Variants in GRM3 observed in about 807,000 individuals in gnomAD.
GRM3 encodes the protein glutamate metabotropic receptor 3.
In GRM3, 26 loss-of-function variants were observed where a neutral mutation model predicts 70.5. The ratio of observed to expected loss-of-function variants is 0.37; its 90% CI spans 0.27 to 0.51. GRM3 has a LOEUF of 0.51. Among genes scored for constraint, GRM3 ranks in the 20% least tolerant of loss-of-function variants. GRM3 has a pLI of 0.93. For synonymous variants in GRM3, 443 were observed against 434.9 expected (o/e 1.02, Z -0.23); for missense variants, 859 against 1,123.8 (o/e 0.76, Z 3.37).
At chr7:86,667,834 G>T (rs802450) in intron 1 of GRM3, among the ~76,000 whole-genome samples, 106,444 of 152,054 alleles carry the variant, frequency 0.7, 37,796 homozygotes, top group East Asian at 0.87. Flanking sequence ...CAACTAGCAT[G>T]TCTTTTGGGT....
intron 1 of GRM3, among the ~76,000 whole-genome samples, chr7:86,747,351 T>A (rs561111070): frequency 5.3e-5 from 8 of 152,142 alleles, no homozygotes; most frequent in Non-Finnish European, 1.2e-4. Context: ...TTCAAAGCCA[T>A]TATTTTCAGA....
At chr7:86,806,366 C>T (rs1226270066) in intron 3 of GRM3, among the ~76,000 whole-genome samples, 1 of 152,226 alleles carries the variant, frequency 6.6e-6, no homozygotes, top group Non-Finnish European at 1.5e-5. Flanking sequence ...GTCACACCAA[C>T]AGTGTAAAAG....
intron 3 of GRM3, among the ~76,000 whole-genome samples, chr7:86,834,840 A>C (rs1798424466): frequency 6.6e-6 from 1 of 152,070 alleles, no homozygotes; most frequent in Non-Finnish European, 1.5e-5. Context: ...GAGGGTTCTT[A>C]TTCTTACATC....
chr7:86,668,578 A>C (rs1256815409), intron 1 of GRM3, among the ~76,000 whole-genome samples: 1 of 152,078 alleles, frequency 6.6e-6, no homozygotes, highest in Non-Finnish European at 1.5e-5. Flanking sequence ...ACACTTTCTA[A>C]TGACCCCGTC....
At chr7:86,767,102 C>T (rs1349348459) in intron 2 of GRM3, among the ~76,000 whole-genome samples, 1 of 151,758 alleles carries the variant, frequency 6.6e-6, no homozygotes, top group Admixed American at 6.6e-5. Flanking sequence ...TTCCCAGATA[C>T]TCGGGAGGCT....
chr7:86,848,245 C>T (rs1798693867), intron 4 of GRM3, among the ~76,000 whole-genome samples: 1 of 152,176 alleles, frequency 6.6e-6, no homozygotes, highest in South Asian at 2.1e-4. Context: ...CACATTCAAT[C>T]TCATTTCCTC....
chr7:86,794,290 T>C (rs1797496419), intron 3 of GRM3, among the ~76,000 whole-genome samples: 1 of 152,102 alleles, frequency 6.6e-6, no homozygotes, highest in Non-Finnish European at 1.5e-5. Context: ...GAAGCCAACA[T>C]ACATAAAGGA....
intron 2 of GRM3, among the ~76,000 whole-genome samples, chr7:86,768,721 G>A (rs1439397522): frequency 6.6e-6 from 1 of 152,062 alleles, no homozygotes; most frequent in Non-Finnish European, 1.5e-5. Flanking sequence ...GAATAAGAAG[G>A]AACAAGAGAG....
intron 5 of GRM3, among the ~76,000 whole-genome samples, chr7:86,861,406 G>A (rs890618896): frequency 6.6e-6 from 1 of 152,070 alleles, no homozygotes; most frequent in African/African-American, 2.4e-5. Context: ...TCTAGTCAAG[G>A]GTATAGGATG....
At chr7:86,691,768 C>A (rs368115246) in intron 1 of GRM3, among the ~76,000 whole-genome samples, 1 of 152,144 alleles carries the variant, frequency 6.6e-6, no homozygotes, top group Non-Finnish European at 1.5e-5. Flanking sequence ...GCCCTTCTGC[C>A]ATGAAATGAC....
rs1416303685 is a variant in GRM3, at chr7:86,864,609, G to A, written c.*254G>A. On this transcript the variant is annotated 3_prime_UTR_variant, in exon 6 of 6. Transcript: ENST00000361669. ...TTTACAGAGCTGAGCATTGGTGACA[G>A]GGTCTGACATGGTCAGTCTACTAAA... The A allele has an allele frequency of 6.0e-6, 2 of 335,236 alleles. No individual in the cohort carries two copies. Among genetic ancestry groups the A allele is most frequent in the Non-Finnish European group, 1.1e-5 (2 of 187,286 alleles). The allele number at this position is 335,236 out of a possible 1,614,324, so 20.8% of individuals were successfully genotyped here. A position where few individuals can be genotyped will look rare whatever the true frequency, so the allele number is the denominator to read the frequency against.
chr7:86,776,702 C>T (rs2158786), intron 2 of GRM3, among the ~76,000 whole-genome samples: 56,834 of 151,900 alleles, frequency 0.37, 12,468 homozygotes, highest in African/African-American at 0.63. Flanking sequence ...TATAGATTAG[C>T]TCAACTTGTG....
chr7:86,682,792 G>T (rs544562663), intron 1 of GRM3, among the ~76,000 whole-genome samples: 1 of 152,256 alleles, frequency 6.6e-6, no homozygotes, highest in East Asian at 1.9e-4. Context: ...TTATGGTTCA[G>T]AGATAGAAAG....
chr7:86,648,638 A>C (rs899543199), intron 1 of GRM3, among the ~76,000 whole-genome samples: 6 of 152,208 alleles, frequency 3.9e-5, no homozygotes, highest in Non-Finnish European at 7.4e-5. Context: ...ATGAAAAGTA[A>C]GCTTACATCA....
At chr7:86,769,280 GA>G (rs1387411163) in intron 2 of GRM3, among the ~76,000 whole-genome samples, 3 of 151,928 alleles carry the variant, frequency 2.0e-5, no homozygotes, top group African/African-American at 4.8e-5. Context: ...TGAGCCGGGG[GA>G]AAAAAGAGGG....
intron 2 of GRM3, among the ~76,000 whole-genome samples, chr7:86,778,590 A>T (rs1386947830): frequency 6.6e-6 from 1 of 152,194 alleles, no homozygotes; most frequent in African/African-American, 2.4e-5. Context: ...TCCAGTTCAC[A>T]TTCTCTTTTT....
chr7:86,766,055 C>A (rs112626413), intron 2 of GRM3, among the ~76,000 whole-genome samples: 4 of 152,086 alleles, frequency 2.6e-5, no homozygotes, highest in Admixed American at 6.6e-5. Context: ...GTACAAAGCT[C>A]TTTCAAGTTT....
intron 1 of GRM3, among the ~76,000 whole-genome samples, chr7:86,761,568 G>T (rs1436307900): frequency 6.6e-6 from 1 of 151,940 alleles, no homozygotes; most frequent in African/African-American, 2.4e-5. Context: ...AATAGTAAAG[G>T]GTCATGTGCA....
intron 1 of GRM3, among the ~76,000 whole-genome samples, chr7:86,746,012 A>G (rs895784425): frequency 6.6e-6 from 1 of 152,032 alleles, no homozygotes; most frequent in Non-Finnish European, 1.5e-5. Context: ...CTAGGAAAAA[A>G]ATAGGTTCTT....
Sources: gnomAD v4.1 joint callset for allele counts (sites outside exome capture counted in the v4.1 genomes callset) on GRCh38, gnomAD v4.1.1 for gene constraint, MANE v1.5 for transcripts, NCBI Gene and HGNC (gene_info 2026-07-23, HGNC 2026-07-21) for gene names.